Variants in LRRIQ3 observed in about 807,000 individuals in gnomAD.
The protein encoded by LRRIQ3 is leucine rich repeats and IQ motif containing 3.
LRRIQ3 carries 75 observed loss-of-function variants against 59.3 expected under a neutral mutation model. The ratio of observed to expected loss-of-function variants is 1.26; its 90% CI spans 1.05 to 1.53. LRRIQ3 has a LOEUF of 1.53. Among genes scored for constraint, LRRIQ3 ranks in the 40% most tolerant of loss-of-function variants. The pLI, the probability that LRRIQ3 is intolerant of heterozygous loss-of-function variation, is 0.00. For synonymous variants in LRRIQ3, 250 were observed against 231.3 expected, an observed-to-expected ratio of 1.08 and a Z score of -0.73; for missense variants, 831 against 710.0, an observed-to-expected ratio of 1.17 and a Z score of -1.94.
intron 6 of LRRIQ3, among the ~76,000 whole-genome samples, chr1:74,043,304 T>C (rs1277165840): frequency 6.6e-6 from 1 of 152,138 alleles, no homozygotes; most frequent in Non-Finnish European, 1.5e-5. Flanking sequence ...TTACCTTGTC[T>C]TTATGTGTAA....
chr1:74,099,147 A>G (rs960465024), intron 5 of LRRIQ3, among the ~76,000 whole-genome samples: 1 of 152,188 alleles, frequency 6.6e-6, no homozygotes, highest in African/African-American at 2.4e-5. Context: ...AATAAAATTG[A>G]TAGACCACTA....
chr1:74,178,728 T>C (rs1320089196), intron 3 of LRRIQ3, among the ~76,000 whole-genome samples: 1 of 152,188 alleles, frequency 6.6e-6, no homozygotes, highest in East Asian at 1.9e-4. Context: ...TCAAACCAGA[T>C]TCCATTCTAC....
intron 3 of LRRIQ3, among the ~76,000 whole-genome samples, chr1:74,160,734 C>G (rs963248489): frequency 6.6e-6 from 1 of 151,972 alleles, no homozygotes; most frequent in Non-Finnish European, 1.5e-5. Context: ...TTCTGAAGCT[C>G]CTAACTGCTC....
intron 1 of LRRIQ3, among the ~76,000 whole-genome samples, chr1:74,190,159 C>T (rs1257173526): frequency 6.6e-6 from 1 of 152,010 alleles, no homozygotes; most frequent in Non-Finnish European, 1.5e-5. Flanking sequence ...ACAGGCAGTA[C>T]AGAAACTCAT....
At chr1:74,103,936 A>G (rs546296213) in intron 5 of LRRIQ3, among the ~76,000 whole-genome samples, 1 of 152,096 alleles carries the variant, frequency 6.6e-6, no homozygotes, top group Non-Finnish European at 1.5e-5. Flanking sequence ...AGCCAGCTAC[A>G]TAGACTGTGA....
chr1:74,157,764 A>T (rs10493529), intron 3 of LRRIQ3, among the ~76,000 whole-genome samples: 46,021 of 151,886 alleles, frequency 0.3, 7,742 homozygotes, highest in Middle Eastern at 0.45. Context: ...TGTTACATTG[A>T]AAGAATTTTC....
rs540214041 is a variant in LRRIQ3 at position 74,056,186 on chromosome 1, T to C, written c.998-14253A>G. ...ATAAATAAATAAATAAATAAATAAATAAACTCAACAAATTAGATATAGCAG... is the reference window on the plus strand; with the variant it reads ...ATAAATAAATAAATAAATAAATAAACAAACTCAACAAATTAGATATAGCAG... On this transcript the variant is annotated intron_variant, in intron 6 of 7. Transcript: ENST00000354431. Among the ~76,000 whole-genome samples the C allele has an allele frequency of 4.4e-5, 6 of 136,928 alleles. No individual in the cohort carries two copies. In the South Asian group the frequency reaches 9.3e-4, roughly 21 times the overall value. The allele number at this position is 136,928 out of a possible 152,430, so 89.8% of individuals were successfully genotyped here. A position where few individuals can be genotyped will look rare whatever the true frequency, so the allele number is the denominator to read the frequency against.
chr1:74,064,861 C>T (rs1283972081), intron 6 of LRRIQ3, among the ~76,000 whole-genome samples: 1 of 151,880 alleles, frequency 6.6e-6, no homozygotes, highest in African/African-American at 2.4e-5. Flanking sequence ...AAAATTCTAT[C>T]TTAATATTTT....
rs1654059267 is a variant in LRRIQ3 at position 74,041,880 on chromosome 1, T to C, written c.1051A>G (p.Ile351Val). The stretch of plus-strand genomic sequence containing the variant: ...TATATGGGTAGTTTGAAAACTGATA[T>C]CCTAAAACTGGTATCCAATTTTTCA... ...VDEKLDTSFRISVFKLPIYTS... is the reference protein window; with the variant it reads ...VDEKLDTSFRVSVFKLPIYTS... The change falls in exon 7 of 8, where the codon ATA becomes GTA. Residue 351 changes from isoleucine (I) to valine (V), a missense_variant. Ile to Val is a conservative substitution (Grantham distance 29). Coordinates refer to ENST00000354431, the MANE Select transcript of LRRIQ3 (RefSeq NM_001105659.2). 1 of 1,608,792 alleles carries C rather than the reference T, an allele frequency of 6.2e-7. No homozygotes were observed. Among genetic ancestry groups the C allele is most frequent in the South Asian group, 1.1e-5 (1 of 90,438 alleles).
chr1:74,109,343 T>C (rs1457565734), intron 5 of LRRIQ3, 51 bp downstream of exon 5: 1 of 1,250,032 alleles, frequency 8.0e-7, no homozygotes, highest in Admixed American at 2.3e-5. Context: ...AATCATAACT[T>C]TAATATCTTA....
At chr1:74,141,185 A>G (rs1647238342) in intron 4 of LRRIQ3, among the ~76,000 whole-genome samples, 1 of 151,928 alleles carries the variant, frequency 6.6e-6, no homozygotes, top group Non-Finnish European at 1.5e-5. Context: ...CAGGCAACTA[A>G]TATGCTAACA....
chr1:74,161,061 G>C (rs1003780167), intron 3 of LRRIQ3, among the ~76,000 whole-genome samples: 2 of 151,996 alleles, frequency 1.3e-5, no homozygotes, highest in Admixed American at 1.3e-4. Flanking sequence ...AGTTCTGGAG[G>C]CTGGGAAGTC....
At chr1:74,117,358 T>C (rs1375552490) in intron 4 of LRRIQ3, among the ~76,000 whole-genome samples, 1 of 152,066 alleles carries the variant, frequency 6.6e-6, no homozygotes, top group African/African-American at 2.4e-5. Flanking sequence ...ATGTAAAAAG[T>C]ATGAAGAAAA....
intron 4 of LRRIQ3, among the ~76,000 whole-genome samples, chr1:74,112,032 G>C (rs1221001922): frequency 6.6e-6 from 1 of 152,076 alleles, no homozygotes; most frequent in Non-Finnish European, 1.5e-5. Flanking sequence ...GAATACTGGA[G>C]CCCTGGTAGC....
chr1:74,070,038 A>G (rs1261449286), intron 6 of LRRIQ3, among the ~76,000 whole-genome samples: 1 of 152,138 alleles, frequency 6.6e-6, no homozygotes, highest in Admixed American at 6.6e-5. Context: ...AATGTAAATT[A>G]GTTCACCCAC....
intron 4 of LRRIQ3, among the ~76,000 whole-genome samples, chr1:74,148,762 C>T (rs927992712): frequency 1.6e-4 from 25 of 152,186 alleles, no homozygotes; most frequent in African/African-American, 5.5e-4. Flanking sequence ...TGTCCTGCAA[C>T]ATAACATGAC....
intron 1 of LRRIQ3, among the ~76,000 whole-genome samples, chr1:74,185,177 T>G (rs1243410470): frequency 1.3e-5 from 2 of 152,196 alleles, no homozygotes; most frequent in Non-Finnish European, 2.9e-5. Flanking sequence ...ACCAAGGAGT[T>G]TGTTTGCTGA....
chr1:74,183,703 T>G lies in LRRIQ3; in HGVS notation c.1-19A>C. ...GAAACATCTAGGAAAGATAAGAAAG[T>G]GCTTTGATTTTTTTTTCCACTTTCA... is the stretch of plus-strand genomic sequence containing the variant. On this transcript the variant is annotated intron_variant, in intron 1 of 7. Coordinates refer to ENST00000354431, the MANE Select transcript of LRRIQ3 (RefSeq NM_001105659.2). 7.0e-7 allele frequency: 1 copy of G among 1,419,034 alleles called. No homozygotes were observed. The highest frequency in any genetic ancestry group is 9.3e-7 in the Non-Finnish European group (1 of 1,078,060). The allele number at this position is 1,419,034 out of a possible 1,614,324, so 87.9% of individuals were successfully genotyped here.
intron 5 of LRRIQ3, among the ~76,000 whole-genome samples, chr1:74,086,494 A>G (rs1377675700): frequency 1.3e-5 from 2 of 152,126 alleles, no homozygotes; most frequent in African/African-American, 4.8e-5. Context: ...TCTAATTCCT[A>G]GTGCTATAAC....
Sources: allele counts gnomAD v4.1 joint callset (sites outside exome capture counted in the v4.1 genomes callset), GRCh38; gene constraint gnomAD v4.1.1; transcripts MANE v1.5; gene names NCBI Gene and HGNC (gene_info 2026-07-23, HGNC 2026-07-21).